The following PTPRT variants were observed in gnomAD, a reference collection of about 807,000 sequenced individuals.
The protein encoded by PTPRT is protein tyrosine phosphatase receptor type T.
Under a neutral mutation model 176.8 loss-of-function variants are expected in PTPRT, and 56 were observed. The ratio of observed to expected loss-of-function variants is 0.32; its 90% CI spans 0.26 to 0.40. The LOEUF is 0.40. Among genes scored for constraint, PTPRT ranks in the 10% least tolerant of loss-of-function variants. The pLI is 1.00. For synonymous variants in PTPRT, 783 were observed against 739.0 expected (o/e 1.06, Z -0.96); for missense variants, 1,540 against 1,908.2 (o/e 0.81, Z 3.60).
intron 2 of PTPRT, among the ~76,000 whole-genome samples, chr20:42,817,728 A>G (rs2077814105): frequency 6.6e-6 from 1 of 152,198 alleles, no homozygotes; most frequent in South Asian, 2.1e-4. Flanking sequence ...ATTTGTCCCC[A>G]CAGCCCAACA....
chr20:42,314,525 TCAA>T (rs2057686225), intron 12 of PTPRT, among the ~76,000 whole-genome samples: 1 of 45,312 alleles, frequency 2.2e-5, no homozygotes, highest in African/African-American at 9.8e-5. Context: ...TGAGACTGTG[TCAA>T]AAAAAAAAAA....
intron 7 of PTPRT, among the ~76,000 whole-genome samples, chr20:42,544,861 C>T (rs1178739743): frequency 1.3e-5 from 2 of 152,078 alleles, no homozygotes; most frequent in African/African-American, 4.8e-5. Context: ...ATTATGTTGC[C>T]CAGGCTGGTC....
At chr20:42,380,887 C>T (rs2058692749) in intron 9 of PTPRT, among the ~76,000 whole-genome samples, 1 of 152,170 alleles carries the variant, frequency 6.6e-6, no homozygotes, top group Non-Finnish European at 1.5e-5. Flanking sequence ...CACAGTTCTG[C>T]AGGCTGTACA....
intron 13 of PTPRT, among the ~76,000 whole-genome samples, chr20:42,257,130 A>G (rs1483197415): frequency 6.6e-6 from 1 of 152,134 alleles, no homozygotes; most frequent in Admixed American, 6.5e-5. Context: ...CTTATAAACA[A>G]GTGATGCTAG....
At chr20:42,927,378 A>G (rs1036261411) in intron 1 of PTPRT, among the ~76,000 whole-genome samples, 1 of 152,168 alleles carries the variant, frequency 6.6e-6, no homozygotes, top group African/African-American at 2.4e-5. Context: ...CCTGACTAAC[A>G]TGGTGAAACC....
chr20:42,934,906 T>C (rs1980077852), intron 1 of PTPRT, among the ~76,000 whole-genome samples: 1 of 151,436 alleles, frequency 6.6e-6, no homozygotes, highest in South Asian at 2.1e-4. Context: ...ACGTCTCTAT[T>C]AAAAATATAA....
At chr20:43,017,030 C>T (rs1985405707) in intron 1 of PTPRT, among the ~76,000 whole-genome samples, 1 of 152,076 alleles carries the variant, frequency 6.6e-6, no homozygotes, top group South Asian at 2.1e-4. Context: ...GTAATCCAAA[C>T]AAATATTACT....
chr20:42,756,218 A>G (rs1024632038), intron 6 of PTPRT, among the ~76,000 whole-genome samples: 21 of 152,202 alleles, frequency 1.4e-4, no homozygotes, highest in African/African-American at 5.1e-4. Context: ...TATATATTCC[A>G]CAGTCTTTCA....
intron 9 of PTPRT, 87 bp from the exon 10 acceptor site, chr20:42,352,372 G>C (rs2058298108): frequency 7.5e-7 from 1 of 1,338,182 alleles, no homozygotes; most frequent in Non-Finnish European, 1.1e-6. Flanking sequence ...CCTTAGGGAG[G>C]CGGGGGAAGG....
chr20:42,953,065 A>T (rs1981357052), intron 1 of PTPRT, among the ~76,000 whole-genome samples: 1 of 152,224 alleles, frequency 6.6e-6, no homozygotes, highest in Non-Finnish European at 1.5e-5. Context: ...TTCTCTTTTT[A>T]ACAACACTCT....
At chr20:42,633,872 A>ATT (rs2074479740) in intron 7 of PTPRT, among the ~76,000 whole-genome samples, 1 of 84,490 alleles carries the variant, frequency 1.2e-5, no homozygotes, top group African/African-American at 5.1e-5. Flanking sequence ...AATTATCTAT[A>ATT]ATATATTATA....
chr20:43,044,222 C>A (rs1411816947), intron 1 of PTPRT, among the ~76,000 whole-genome samples: 1 of 152,056 alleles, frequency 6.6e-6, no homozygotes, highest in African/African-American at 2.4e-5. Flanking sequence ...AAGGGCAAAT[C>A]CACAGGTGGG....
chr20:42,363,471 T>C (rs2058469719), intron 9 of PTPRT, among the ~76,000 whole-genome samples: 1 of 150,690 alleles, frequency 6.6e-6, no homozygotes, highest in East Asian at 2.0e-4. Flanking sequence ...CCTCCACCCC[T>C]GGCTAATTTT....
chr20:42,623,599 G>A (rs1453280522), intron 7 of PTPRT, among the ~76,000 whole-genome samples: 1 of 152,152 alleles, frequency 6.6e-6, no homozygotes, highest in Non-Finnish European at 1.5e-5. Context: ...GAGGCCTGAG[G>A]GACATGGCAT....
rs1183662051 is a variant in PTPRT at position 42,618,246 on chromosome 20, C to T, written c.1153+59620G>A. On this transcript the variant is annotated intron_variant, in intron 7 of 30. Transcript: ENST00000373187. ...GTTGTTCAGTTTCCATGTCGTTGAG[C>T]GGCTTTGAGTGAGATTCTTAATCCT... 1.3e-4 allele frequency among the ~76,000 whole-genome samples: 16 copies of T among 127,616 alleles called. 2 individuals are homozygous for T. Among genetic ancestry groups the T allele is most frequent in the Admixed American group, 3.6e-4 (5 of 13,726 alleles). 83.7% of individuals were successfully genotyped at this position (127,616 alleles called of 152,430 possible).
At chr20:43,004,885 T>C in intron 1 of PTPRT, among the ~76,000 whole-genome samples, 1 of 152,222 alleles carries the variant, frequency 6.6e-6, no homozygotes, top group East Asian at 1.9e-4. Flanking sequence ...GAAACCCTAA[T>C]ACATTTTACA....
chr20:42,745,378 C>T (rs1305959460), intron 6 of PTPRT, among the ~76,000 whole-genome samples: 1 of 152,142 alleles, frequency 6.6e-6, no homozygotes, highest in African/African-American at 2.4e-5. Flanking sequence ...TACGACTGGC[C>T]TTTGGAGCTG....
rs1045703131 is a variant in PTPRT, at chr20:42,091,578, C to G, written c.3847-5725G>C. 2.0e-4 allele frequency among the ~76,000 whole-genome samples: 31 copies of G among 152,180 alleles called. No individual in the cohort carries two copies. In the East Asian group the frequency reaches 6.0e-3, roughly 29 times the overall value. On this transcript the variant is annotated intron_variant, in intron 27 of 30. Transcript: ENST00000373187. ...GCGACCCAGAGTGAAGAAATCAATC[C>G]CAGGCCACCTAAAGGTGAAGTGAAT...
chr20:43,039,978 T>C (rs945156832), intron 1 of PTPRT, among the ~76,000 whole-genome samples: 2 of 151,484 alleles, frequency 1.3e-5, no homozygotes, highest in African/African-American at 4.9e-5. Flanking sequence ...GAGGCAGAGG[T>C]TGCAATGAGC....
Sources: allele counts gnomAD v4.1 joint callset (sites outside exome capture counted in the v4.1 genomes callset), GRCh38; gene constraint gnomAD v4.1.1; transcripts MANE v1.5; gene names NCBI Gene and HGNC (gene_info 2026-07-23, HGNC 2026-07-21).